Variants in TBC1D12 observed in about 807,000 individuals in gnomAD.
TBC1D12 encodes TBC1 domain family, member 12.
Under a neutral mutation model 86.7 loss-of-function variants are expected in TBC1D12, and 56 were observed. The ratio of observed to expected loss-of-function variants is 0.65; its 90% CI spans 0.52 to 0.81. The LOEUF is 0.81. Ranked by LOEUF, TBC1D12 falls within the 30% of genes least tolerant of loss-of-function variation. The pLI, the probability that TBC1D12 is intolerant of heterozygous loss-of-function variation, is 0.00. For synonymous variants in TBC1D12, 421 were observed against 411.7 expected, an observed-to-expected ratio of 1.02 and a Z score of -0.27; for missense variants, 1,023 against 1,038.8, an observed-to-expected ratio of 0.98 and a Z score of 0.21.
chr10:94,505,307 G>A (rs2056446179), intron 6 of TBC1D12, among the ~76,000 whole-genome samples: 1 of 152,170 alleles, frequency 6.6e-6, no homozygotes, highest in Non-Finnish European at 1.5e-5. Flanking sequence ...TGCCTGGTGT[G>A]GTGGCTTACG....
chr10:94,410,097 G>C (rs1211303151), intron 1 of TBC1D12, among the ~76,000 whole-genome samples: 4 of 152,170 alleles, frequency 2.6e-5, no homozygotes, highest in African/African-American at 9.7e-5. Flanking sequence ...GAACTTCTAT[G>C]ATCACCTTAT....
At chr10:94,436,361 C>G (rs1286930418) in intron 1 of TBC1D12, among the ~76,000 whole-genome samples, 1 of 151,948 alleles carries the variant, frequency 6.6e-6, no homozygotes, top group Non-Finnish European at 1.5e-5. Context: ...GTCTCGATCT[C>G]TTGACCTCAT....
rs1359733374 is a variant in TBC1D12, at chr10:94,403,104, G to A, written c.491G>A (p.Arg164His). 1.4e-6 allele frequency: 2 copies of A among 1,390,464 alleles called. No individual in the cohort carries two copies. The highest frequency in any genetic ancestry group is 1.9e-6 in the Non-Finnish European group (2 of 1,077,732). The allele number at this position is 1,390,464 out of a possible 1,614,324, so 86.1% of individuals were successfully genotyped here. Reference sequence around the variant, plus strand: ...GCGCGCGCCGGCGGCCGGGAGTCGCGCCGCCGCCGCCCCTACGGCCGCCTT... The same window carrying A: ...GCGCGCGCCGGCGGCCGGGAGTCGCACCGCCGCCGCCCCTACGGCCGCCTT... ...GLARAGGRESRRRRPYGRLRL... is the reference protein window; with the variant it reads ...GLARAGGRESHRRRPYGRLRL... Residue 164 changes from arginine (R) to histidine (H), a missense_variant, in exon 1 of 13, where the codon CGC becomes CAC. Coordinates refer to ENST00000225235, the MANE Select transcript of TBC1D12 (RefSeq NM_015188.2).
At chr10:94,411,891 G>A (rs542524453) in intron 1 of TBC1D12, among the ~76,000 whole-genome samples, 12 of 152,314 alleles carry the variant, frequency 7.9e-5, no homozygotes, top group South Asian at 4.1e-4. Context: ...CAGCGAGGTC[G>A]GGGCTGCAGT....
At position 94,402,934 on chromosome 10, in the gene TBC1D12, C is replaced by G; in HGVS notation, c.321C>G (p.Asp107Glu). 1.3e-6 allele frequency: 2 copies of G among 1,543,470 alleles called. No individual in the cohort carries two copies. The highest frequency in any genetic ancestry group is 1.2e-5 in the South Asian group (1 of 83,708). Residue 107 changes from aspartate (D) to glutamate (E), a missense_variant, in exon 1 of 13, where the codon GAC becomes GAG. Asp to Glu is a conservative substitution (Grantham distance 45). Transcript: ENST00000225235. ...APPPSAAPRS[D>E]ACLLGSGSKH... ...CGCCCTCGGCAGCCCCACGATCGGA[C>G]GCCTGCCTGCTGGGCTCGGGCTCCA...
At chr10:94,489,908 CA>C (rs2056223630) in intron 3 of TBC1D12, among the ~76,000 whole-genome samples, 1 of 152,138 alleles carries the variant, frequency 6.6e-6, no homozygotes, top group Non-Finnish European at 1.5e-5. Flanking sequence ...AATCACCTAT[CA>C]CAGATCACCA....
intron 2 of TBC1D12, among the ~76,000 whole-genome samples, chr10:94,457,340 T>G (rs1284044258): frequency 6.6e-6 from 1 of 152,172 alleles, no homozygotes; most frequent in Non-Finnish European, 1.5e-5. Flanking sequence ...TAAAGTGGGT[T>G]TTTTTGTAGG....
intron 1 of TBC1D12, among the ~76,000 whole-genome samples, chr10:94,437,058 A>G (rs1353256861): frequency 2.1e-5 from 3 of 144,856 alleles, no homozygotes; most frequent in Non-Finnish European, 4.6e-5. Flanking sequence ...TTTGGTGGAC[A>G]ATTTTTTTTT....
At chr10:94,457,996 A>T (rs879363240) in intron 2 of TBC1D12, among the ~76,000 whole-genome samples, 4 of 152,162 alleles carry the variant, frequency 2.6e-5, no homozygotes, top group Non-Finnish European at 4.4e-5. Flanking sequence ...ATATGAGCAT[A>T]TGCACACATG....
intron 2 of TBC1D12, among the ~76,000 whole-genome samples, chr10:94,449,574 G>A (rs1334496212): frequency 6.6e-6 from 1 of 152,198 alleles, no homozygotes; most frequent in African/African-American, 2.4e-5. Context: ...AGATAGTAGA[G>A]GTGGGGAGTT....
intron 2 of TBC1D12, among the ~76,000 whole-genome samples, chr10:94,469,845 T>TG (rs2055878128): frequency 6.6e-6 from 1 of 152,160 alleles, no homozygotes; most frequent in African/African-American, 2.4e-5. Flanking sequence ...AAGCTTCCTT[T>TG]GGGGTCCCCC....
At chr10:94,486,680 C>A (rs568351802) in intron 3 of TBC1D12, among the ~76,000 whole-genome samples, 1 of 152,216 alleles carries the variant, frequency 6.6e-6, no homozygotes, top group South Asian at 2.1e-4. Flanking sequence ...GATATTATCT[C>A]ATTTTTTTGA....
At chr10:94,443,888 G>A (rs944089053) in intron 2 of TBC1D12, among the ~76,000 whole-genome samples, 4 of 152,180 alleles carry the variant, frequency 2.6e-5, no homozygotes, top group African/African-American at 9.7e-5. Context: ...TTAAGAATGA[G>A]GCCGAGTATA....
Position 94,507,355 on chromosome 10 carries a change from T to G in TBC1D12, c.1600+8T>G. 6.3e-7 allele frequency: 1 copy of G among 1,587,084 alleles called. No individual in the cohort carries two copies. The highest frequency in any genetic ancestry group is 8.5e-7 in the Non-Finnish European group (1 of 1,173,272). On this transcript the variant is annotated splice_region_variant and intron_variant, in intron 7 of 12. Transcript: ENST00000225235. ...CAGAGAATGATACAGAAGGTGTGAT[T>G]TCTTTTTTTAAATAAGAATTTTAGG...
intron 1 of TBC1D12, among the ~76,000 whole-genome samples, chr10:94,431,275 T>G (rs992520962): frequency 6.6e-6 from 1 of 151,396 alleles, no homozygotes; most frequent in African/African-American, 2.4e-5. Flanking sequence ...ATTAGCTGAG[T>G]GTGGTGGCAC....
chr10:94,416,248 C>G lies in TBC1D12; in HGVS notation c.971+12664C>G, dbSNP rs987175986. 4.6e-5 allele frequency among the ~76,000 whole-genome samples: 7 copies of G among 152,196 alleles called. No individual in the cohort carries two copies. In the South Asian group the frequency reaches 6.2e-4, roughly 13 times the overall value. ...GCAAAATGTCAACAAAGCAAAGCAC[C>G]AGCAACTACCATACAGCTAAGTGTG... On this transcript the variant is annotated intron_variant, in intron 1 of 12. Coordinates refer to ENST00000225235, the MANE Select transcript of TBC1D12 (RefSeq NM_015188.2).
At chr10:94,489,847 A>G (rs185584244) in intron 3 of TBC1D12, among the ~76,000 whole-genome samples, 1 of 152,328 alleles carries the variant, frequency 6.6e-6, no homozygotes, top group Non-Finnish European at 1.5e-5. Flanking sequence ...TTGCCATCTT[A>G]TATTAGCACT....
intron 1 of TBC1D12, among the ~76,000 whole-genome samples, chr10:94,425,645 G>C (rs2055136126): frequency 6.6e-6 from 1 of 152,066 alleles, no homozygotes; most frequent in South Asian, 2.1e-4. Flanking sequence ...TAATGCAGAA[G>C]ACAGCTAATT....
chr10:94,500,329 T>C lies in TBC1D12; in HGVS notation c.1519+2T>C. 6.2e-7 allele frequency: 1 copy of C among 1,612,360 alleles called. No homozygotes were observed. The highest frequency in any genetic ancestry group is 8.5e-7 in the Non-Finnish European group (1 of 1,179,072). ...GAAATGAACTAAATATCACTCCTGG[T>C]TTGTATTCTACGTTCAGTTATTCCC... On this transcript the variant is annotated splice_donor_variant, in intron 6 of 12. Coordinates refer to ENST00000225235, the MANE Select transcript of TBC1D12 (RefSeq NM_015188.2). LOFTEE classifies it high-confidence loss of function.
Sources: gnomAD v4.1 joint callset for allele counts (sites outside exome capture counted in the v4.1 genomes callset) on GRCh38, gnomAD v4.1.1 for gene constraint, MANE v1.5 for transcripts, NCBI Gene and HGNC (gene_info 2026-07-23, HGNC 2026-07-21) for gene names.